Variants in CFAP47 observed in about 807,000 individuals in gnomAD.
The protein encoded by CFAP47 is cilia- and flagella-associated protein 47.
A neutral mutation model predicts 148.1 loss-of-function variants in CFAP47; 29 were observed. That is an observed-to-expected ratio of 0.20 (90% CI 0.15 to 0.27). The LOEUF is 0.27. Ranked by LOEUF, CFAP47 falls within the 10% of genes least tolerant of loss-of-function variation. The pLI is 1.00. For missense variants in CFAP47, 1,872 were observed against 1,697.5 expected (o/e 1.10, Z -1.81); for synonymous variants, 664 against 577.3 (o/e 1.15, Z -2.15).
chrX:36,379,975 TG>T (rs1284952128), intron 63 of CFAP47, among the ~76,000 whole-genome samples: 1 of 110,779 alleles, frequency 9.0e-6, no homozygotes, highest in Non-Finnish European at 1.9e-5. Context: ...TATTTTGAAT[TG>T]AAAAAAAAAA....
chrX:36,207,475 A>T (rs1940051361), intron 45 of CFAP47, among the ~76,000 whole-genome samples: 1 of 111,179 alleles, frequency 9.0e-6, no homozygotes, highest in African/African-American at 3.3e-5. Context: ...TTAAGGTATT[A>T]AAAAAGTGGC....
chrX:36,301,984 C>A (rs1941302634), intron 53 of CFAP47, among the ~76,000 whole-genome samples: 1 of 109,211 alleles, frequency 9.2e-6, no homozygotes, highest in South Asian at 3.9e-4. Flanking sequence ...GTGTTGCATT[C>A]TTCCAGTACC....
rs183095871 is a variant in CFAP47, at chrX:36,016,390, A to C, written c.3556+1478A>C. Among the ~76,000 whole-genome samples, 47 of 111,118 alleles carry C rather than the reference A, an allele frequency of 4.2e-4. 1 individual carries two copies. The highest frequency in any genetic ancestry group is 3.6e-3 in the Admixed American group (37 of 10,418). On this transcript the variant is annotated intron_variant, in intron 22 of 63. Coordinates refer to ENST00000378653, the MANE Select transcript of CFAP47 (RefSeq NM_001304548.2). ...ATTTTCATTTGTAGATCCCACAAAT[A>C]AGTGAGAACATGTGATGTTTGTCTT... is the stretch of plus-strand genomic sequence containing the variant.
At chrX:36,142,579 A>G (rs1256993000) in intron 35 of CFAP47, among the ~76,000 whole-genome samples, 2 of 111,620 alleles carry the variant, frequency 1.8e-5, no homozygotes, top group African/African-American at 6.5e-5. Context: ...CCTAAGGTTG[A>G]CAAAAGTCTG....
chrX:36,085,274 A>C, intron 29 of CFAP47, 40 bp from the exon 30 acceptor site: 1 of 898,162 alleles, frequency 1.1e-6, no homozygotes, highest in Non-Finnish European at 1.6e-6. Flanking sequence ...ATACTATAAC[A>C]TTTTGAGACT....
At chrX:36,211,544 T>C in intron 45 of CFAP47, 1 of 304,528 alleles carries the variant, frequency 3.3e-6, no homozygotes, top group South Asian at 3.4e-5. Flanking sequence ...AGCAGCCTCA[T>C]GAAAAGAAGG....
chrX:36,218,409 A>G (rs782759934), intron 45 of CFAP47, among the ~76,000 whole-genome samples: 1 of 112,057 alleles, frequency 8.9e-6, no homozygotes, highest in South Asian at 3.7e-4. Flanking sequence ...GAAGGCCTAC[A>G]GAAATCCGAA....
intron 7 of CFAP47, among the ~76,000 whole-genome samples, chrX:35,954,837 T>A (rs1055000910): frequency 6.2e-4 from 70 of 112,034 alleles, no homozygotes; most frequent in Admixed American, 4.7e-4. Context: ...TGTTGGTCTG[T>A]CTCCCACAAT....
intron 48 of CFAP47, among the ~76,000 whole-genome samples, chrX:36,244,604 C>T (rs1438153736): frequency 1.8e-5 from 2 of 111,717 alleles, no homozygotes; most frequent in Non-Finnish European, 3.8e-5. Context: ...TTATCATCAA[C>T]TCTATGCAGA....
In CFAP47 at chrX:36,035,667, T is replaced by A. The variant is rs533030370; in HGVS notation, c.3652-28T>A. On this transcript the variant is annotated intron_variant, in intron 23 of 63. Coordinates refer to ENST00000378653, the MANE Select transcript of CFAP47 (RefSeq NM_001304548.2). The stretch of plus-strand genomic sequence containing the variant: ...AGATTGCATGCTATAATTTTAAACT[T>A]TTTTTGTCTTTTTGTGTGTGTGAGC... The A allele has an allele frequency of 8.2e-5, 24 of 292,034 alleles. No individual in the cohort carries two copies. In the East Asian group the frequency reaches 8.7e-4, roughly 11 times the overall value. The allele number at this position is 292,034 out of a possible 1,213,427, so 24.1% of individuals were successfully genotyped here.
chrX:36,159,809 C>A (rs184629665), intron 38 of CFAP47, among the ~76,000 whole-genome samples: 1 of 111,746 alleles, frequency 8.9e-6, no homozygotes, highest in African/African-American at 3.2e-5. Context: ...CTGGCAGGAA[C>A]TTTCATCAGT....
At chrX:36,243,647 GTATATATATATATATATATATA>G (rs58640112) in intron 48 of CFAP47, among the ~76,000 whole-genome samples, 13,976 of 64,276 alleles carry the variant, frequency 0.22, 2,360 homozygotes, top group African/African-American at 0.55. Context: ...ATATGTGTGT[GTATATATATATATATATATATA>G]TATATATATA....
chrX:35,920,680 T>A (rs1311829429), intron 1 of CFAP47, among the ~76,000 whole-genome samples: 1 of 111,752 alleles, frequency 8.9e-6, no homozygotes, highest in Non-Finnish European at 1.9e-5. Flanking sequence ...CTCACTGTGT[T>A]ATTTTACATC....
intron 61 of CFAP47, among the ~76,000 whole-genome samples, chrX:36,366,036 C>G (rs1347599921): frequency 9.0e-6 from 1 of 111,020 alleles, no homozygotes; most frequent in Non-Finnish European, 1.9e-5. Context: ...AGTGGTAGCT[C>G]TGTTTTTAGC....
intron 57 of CFAP47, among the ~76,000 whole-genome samples, chrX:36,329,895 G>A (rs1941549991): frequency 1.8e-5 from 2 of 111,799 alleles, no homozygotes; most frequent in South Asian, 7.4e-4. Context: ...AAGCAAACAT[G>A]ACAAGTAGCA....
intron 57 of CFAP47, among the ~76,000 whole-genome samples, chrX:36,342,807 T>A (rs1294349905): frequency 1.8e-5 from 2 of 111,766 alleles, no homozygotes; most frequent in Admixed American, 1.9e-4. Context: ...TTTCTTTTTT[T>A]AAATTTAAGT....
rs778554648 is a variant in CFAP47, at chrX:35,975,339, C to T, written c.2447C>T (p.Ser816Phe). The T allele has an allele frequency of 5.1e-6, 6 of 1,187,472 alleles. No individual in the cohort carries two copies. In the Admixed American group the frequency reaches 6.9e-5, roughly 14 times the overall value. The part of the protein sequence containing the change: ...SSTYISMVFD[S>F]PTIGKFWKSF... ...ACTTATATTTCAATGGTATTTGACT[C>T]TCCCACCATTGGAAAATTTTGGAAG... Residue 816 changes from serine to phenylalanine, a missense_variant, in exon 14 of 64, where the codon TCT becomes TTT. Ser to Phe is a radical substitution (Grantham distance 155). Coordinates refer to ENST00000378653, the MANE Select transcript of CFAP47 (RefSeq NM_001304548.2).
At chrX:36,175,932 C>G (rs1289535146) in intron 39 of CFAP47, among the ~76,000 whole-genome samples, 2 of 112,894 alleles carry the variant, frequency 1.8e-5, no homozygotes, top group African/African-American at 3.2e-5. Context: ...TCTCAGACTG[C>G]TGTGCTAGCA....
intron 15 of CFAP47, among the ~76,000 whole-genome samples, chrX:35,988,908 A>T (rs1329662318): frequency 2.7e-5 from 3 of 112,211 alleles, no homozygotes; most frequent in Non-Finnish European, 5.6e-5. Flanking sequence ...TGAATGAATG[A>T]TGCTGACAAG....
Sources: gnomAD v4.1 joint callset for allele counts (sites outside exome capture counted in the v4.1 genomes callset) on GRCh38, gnomAD v4.1.1 for gene constraint, MANE v1.5 for transcripts, NCBI Gene and HGNC (gene_info 2026-07-23, HGNC 2026-07-21) for gene names.